CCDC7: variants seen among roughly 807,000 people sequenced by gnomAD.
The protein encoded by CCDC7 is coiled-coil domain containing 7.
In CCDC7, 183 loss-of-function variants were observed where a neutral mutation model predicts 196.9. That is an observed-to-expected ratio of 0.93 (90% CI 0.82 to 1.05). CCDC7 has a LOEUF of 1.05. CCDC7 is among the 50% of genes least tolerant of loss of function. The probability of loss-of-function intolerance (pLI) is 0.00; values close to 1 mark genes in which losing one functional copy is unlikely to be tolerated. For missense variants in CCDC7, 1,540 were observed against 1,482.2 expected (o/e 1.04, Z -0.64); for synonymous variants, 525 against 484.6 (o/e 1.08, Z -1.10).
intron 28 of CCDC7, among the ~76,000 whole-genome samples, chr10:32,754,494 T>C (rs1486720969): frequency 6.6e-6 from 1 of 152,134 alleles, no homozygotes; most frequent in Non-Finnish European, 1.5e-5. Flanking sequence ...GATTATTGCT[T>C]TTGGTGTTGA....
intron 4 of CCDC7, 103 bp downstream of exon 5, chr10:32,462,806 A>T: frequency 7.8e-7 from 1 of 1,278,342 alleles, no homozygotes; most frequent in Non-Finnish European, 1.1e-6. Context: ...AAGGAATTCC[A>T]TACTTGCTGC....
At chr10:32,609,290 ATGT>A (rs1457959041) in intron 18 of CCDC7, among the ~76,000 whole-genome samples, 3 of 151,616 alleles carry the variant, frequency 2.0e-5, no homozygotes, top group African/African-American at 4.9e-5. Context: ...GGGTTCTTTG[ATGT>A]TGTTTGCATA....
chr10:32,738,473 CT>C (rs33944221), intron 28 of CCDC7, among the ~76,000 whole-genome samples: 16,622 of 109,498 alleles, frequency 0.15, 821 homozygotes, highest in East Asian at 0.28. Flanking sequence ...GTTTCTTTCA[CT>C]TTTTTTTTTT....
chr10:32,756,411 C>T (rs143476199), intron 28 of CCDC7, among the ~76,000 whole-genome samples: 3,459 of 152,294 alleles, frequency 0.023, 66 homozygotes, highest in African/African-American at 0.056. Flanking sequence ...CGGATCTCTC[C>T]GCAGAAATTC....
At chr10:32,615,570 T>C (rs1313713301) in intron 18 of CCDC7, among the ~76,000 whole-genome samples, 1 of 152,174 alleles carries the variant, frequency 6.6e-6, no homozygotes, top group Admixed American at 6.6e-5. Flanking sequence ...TTCTGGATAT[T>C]GGCCCTTTGT....
intron 25 of CCDC7, among the ~76,000 whole-genome samples, chr10:32,723,860 C>G (rs560931360): frequency 1.3e-5 from 2 of 152,042 alleles, no homozygotes. Context: ...TTTGCTGCAT[C>G]GCAGGCTATC....
chr10:32,523,219 A>G (rs2048135985), intron 11 of CCDC7, among the ~76,000 whole-genome samples: 1 of 151,974 alleles, frequency 6.6e-6, no homozygotes, highest in African/African-American at 2.4e-5. Flanking sequence ...TTCTTTGTTG[A>G]TTTTCTATCT....
Position 32,503,255 on chromosome 10 carries a change from T to C in CCDC7, c.872+11258T>C, listed in dbSNP as rs1175071798. ...AAGAAAAGCTTTCAACTTTTCACTG[T>C]TGAGTATAATAATGTTAGCTATGGG... is the stretch of plus-strand genomic sequence containing the variant. On this transcript the variant is annotated intron_variant, in intron 9 of 41. Coordinates refer to ENST00000639629, the Ensembl canonical transcript of CCDC7. Among the ~76,000 whole-genome samples, 12 of 149,206 alleles carry C rather than the reference T, an allele frequency of 8.0e-5. No homozygotes were observed. In the Admixed American group the frequency reaches 8.3e-4, roughly 10 times the overall value.
At chr10:32,808,652 A>G (rs2086379439) in intron 30 of CCDC7, among the ~76,000 whole-genome samples, 1 of 114,614 alleles carries the variant, frequency 8.7e-6, no homozygotes, top group African/African-American at 2.6e-5. Flanking sequence ...GCTCACATAT[A>G]TCACCTAGGG....
chr10:32,648,984 G>T (rs1591099392), intron 20 of CCDC7, among the ~76,000 whole-genome samples: 1 of 152,130 alleles, frequency 6.6e-6, no homozygotes, highest in South Asian at 2.1e-4. Flanking sequence ...GTCATAAAAA[G>T]GAACCAGATC....
At chr10:32,571,819 A>G (rs1225847077) in intron 15 of CCDC7, 40 bp from the exon 17 acceptor site, 2 of 1,508,216 alleles carry the variant, frequency 1.3e-6, no homozygotes, top group South Asian at 1.4e-5. Flanking sequence ...TTTCATATGC[A>G]TACTTGATAT....
chr10:32,794,415 T>G (rs1351967080), intron 29 of CCDC7, among the ~76,000 whole-genome samples: 1 of 152,224 alleles, frequency 6.6e-6, no homozygotes, highest in Non-Finnish European at 1.5e-5. Context: ...GTAGAATGAT[T>G]TATTTTCCTT....
chr10:32,472,260 A>C (rs763052101), intron 6 of CCDC7, among the ~76,000 whole-genome samples: 4 of 152,188 alleles, frequency 2.6e-5, no homozygotes, highest in Non-Finnish European at 4.4e-5. Flanking sequence ...AATTATATTC[A>C]TGGCCTACAT....
At chr10:32,654,879 C>T (rs1196572861) in intron 20 of CCDC7, among the ~76,000 whole-genome samples, 2 of 152,198 alleles carry the variant, frequency 1.3e-5, no homozygotes, top group Non-Finnish European at 2.9e-5. Context: ...TCCTTATGGA[C>T]ATCTAATTTC....
intron 14 of CCDC7, among the ~76,000 whole-genome samples, chr10:32,566,616 A>G (rs1340962226): frequency 6.6e-6 from 1 of 152,070 alleles, no homozygotes; most frequent in African/African-American, 2.4e-5. Context: ...TTAGATAAAC[A>G]TTTAAAAAAT....
intron 25 of CCDC7, among the ~76,000 whole-genome samples, chr10:32,720,839 C>T (rs552386240): frequency 6.6e-6 from 1 of 152,214 alleles, no homozygotes; most frequent in South Asian, 2.1e-4. Flanking sequence ...ATTGTATAAT[C>T]CCAGCACTTT....
At chr10:32,672,775 C>T (rs1235839092) in intron 21 of CCDC7, among the ~76,000 whole-genome samples, 2 of 152,114 alleles carry the variant, frequency 1.3e-5, no homozygotes, top group African/African-American at 4.8e-5. Flanking sequence ...ACCAGAGATC[C>T]TTTCTACTTG....
At chr10:32,500,307 G>A (rs868432122) in intron 9 of CCDC7, among the ~76,000 whole-genome samples, 3 of 150,026 alleles carry the variant, frequency 2.0e-5, no homozygotes, top group South Asian at 2.1e-4. Flanking sequence ...GCTGCTGGGC[G>A]GAGGGGCTCC....
chr10:32,685,984 C>G, exon 22 of CCDC7: 1 of 1,565,110 alleles, frequency 6.4e-7, no homozygotes, highest in East Asian at 2.3e-5. Flanking sequence ...TAATGAAGTA[C>G]CAAATGAAAG....
Sources: gnomAD v4.1 joint callset for allele counts (sites outside exome capture counted in the v4.1 genomes callset) on GRCh38, gnomAD v4.1.1 for gene constraint, MANE v1.5 for transcripts, NCBI Gene and HGNC (gene_info 2026-07-23, HGNC 2026-07-21) for gene names.